The following NUP133 variants were observed in gnomAD, a reference collection of about 807,000 sequenced individuals.
The protein encoded by NUP133 is nuclear pore complex protein Nup133.
NUP133 carries 66 observed loss-of-function variants against 146.2 expected under a neutral mutation model. The ratio of observed to expected loss-of-function variants is 0.45; its 90% CI spans 0.37 to 0.55. The LOEUF (loss-of-function observed/expected upper bound fraction) is 0.55. NUP133 is among the 20% of genes least tolerant of loss of function. The probability of loss-of-function intolerance (pLI) is 0.00; values close to 1 mark genes in which losing one functional copy is unlikely to be tolerated. For synonymous variants in NUP133, 521 were observed against 498.8 expected (o/e 1.04, Z -0.59); for missense variants, 1,277 against 1,374.8 (o/e 0.93, Z 1.12).
intron 20 of NUP133, among the ~76,000 whole-genome samples, chr1:229,458,765 C>A (rs1393422714): frequency 6.9e-6 from 1 of 144,036 alleles, no homozygotes; most frequent in Non-Finnish European, 1.5e-5. Context: ...GGCTGGAGTG[C>A]AATGATATAG....
At chr1:229,463,945 A>G (rs1660753208) in intron 18 of NUP133, among the ~76,000 whole-genome samples, 1 of 152,060 alleles carries the variant, frequency 6.6e-6, no homozygotes, top group South Asian at 2.1e-4. Context: ...CAGGAGTTCG[A>G]GTCCCGCCAG....
chr1:229,489,905 A>G, intron 9 of NUP133, 50 bp downstream of exon 9: 2 of 1,453,926 alleles, frequency 1.4e-6, no homozygotes, highest in Non-Finnish European at 1.8e-6. Context: ...AATGGTTAGA[A>G]AAATACTCAA....
chr1:229,452,386 C>T, intron 22 of NUP133, 139 bp downstream of exon 22: 1 of 544,944 alleles, frequency 1.8e-6, no homozygotes, highest in Non-Finnish European at 3.1e-6. Flanking sequence ...CAGCTTCAAA[C>T]AACGTTTTTC....
Position 229,463,017 on chromosome 1 carries a change from T to C in NUP133, c.2685+526A>G, listed in dbSNP as rs532794905. On this transcript the variant is annotated intron_variant, in intron 19 of 25. Coordinates refer to ENST00000261396, the MANE Select transcript of NUP133 (RefSeq NM_018230.3). ...ATATTCATGTACCTAAGTACTTTTA[T>C]AATAACTAGAAAATATATAAACAGA... Among the ~76,000 whole-genome samples the C allele has an allele frequency of 2.0e-5, 3 of 152,346 alleles. No individual in the cohort carries two copies. In the East Asian group the frequency reaches 5.8e-4, roughly 29 times the overall value.
At chr1:229,496,884 G>A (rs1661667887) in intron 6 of NUP133, among the ~76,000 whole-genome samples, 1 of 152,158 alleles carries the variant, frequency 6.6e-6, no homozygotes, top group African/African-American at 2.4e-5. Flanking sequence ...AGTGTTGAAT[G>A]TGAATTGGTA....
chr1:229,470,561 G>GA lies in NUP133; in HGVS notation c.2076+18dup. 6.3e-7 allele frequency: 1 copy of GA among 1,590,596 alleles called. No individual in the cohort carries two copies. Among genetic ancestry groups the GA allele is most frequent in the Non-Finnish European group, 8.6e-7 (1 of 1,158,612 alleles). ...ATGGCACAGTTCTACAAAGCCACAT[G>GA]AAAGAGGACTCATCTTACCTCCCTG... On this transcript the variant is annotated intron_variant, in intron 15 of 25. Transcript: ENST00000261396.
At position 229,458,236 on chromosome 1, in the gene NUP133, T is replaced by G. The variant is rs148690449; in HGVS notation, c.2905A>C (p.Thr969Pro). Residue 969 changes from threonine (T) to proline (P), a missense_variant, in exon 21 of 26, where the codon ACC becomes CCC. By Grantham distance (38) the Thr-to-Pro change is conservative. This residue lies in a region of NUP133 where 952 missense variants were observed against 1,047.0 expected (regional missense o/e 0.91). Coordinates refer to ENST00000261396, the MANE Select transcript of NUP133 (RefSeq NM_018230.3). ...METRYFAKKK[T>P]LLGLSKLAAL... ...GCCAATTTACTCAAGCCAAGAAGGGTTTTCTTCTTTGCAAAGTAACGAGTT... is the reference window on the plus strand; with the variant it reads ...GCCAATTTACTCAAGCCAAGAAGGGGTTTCTTCTTTGCAAAGTAACGAGTT... The G allele has an allele frequency of 6.2e-7, 1 of 1,613,328 alleles. No homozygotes were observed. The highest frequency in any genetic ancestry group is 8.5e-7 in the Non-Finnish European group (1 of 1,179,518).
intron 14 of NUP133, among the ~76,000 whole-genome samples, chr1:229,473,902 C>T (rs1397273434): frequency 6.6e-6 from 1 of 150,778 alleles, no homozygotes; most frequent in East Asian, 1.9e-4. Flanking sequence ...CCAGCCTGGG[C>T]GATGGGAGTG....
intron 11 of NUP133, among the ~76,000 whole-genome samples, chr1:229,485,234 G>A (rs61632972): frequency 2.2e-4 from 34 of 152,320 alleles, no homozygotes; most frequent in African/African-American, 8.2e-4. Context: ...GAAAGCAGAA[G>A]GAATGGGAAA....
intron 12 of NUP133, among the ~76,000 whole-genome samples, chr1:229,482,714 G>A (rs758102249): frequency 6.6e-6 from 1 of 152,132 alleles, no homozygotes; most frequent in Non-Finnish European, 1.5e-5. Flanking sequence ...GCTTAGGCAC[G>A]CTCTCACTAC....
Position 229,502,101 on chromosome 1 carries a change from G to T in NUP133, c.303C>A (p.Val101=), listed in dbSNP as rs747508806. The change falls in exon 3 of 26, where the codon GTC becomes GTA. Residue 101 remains valine (V), a splice_region_variant and synonymous_variant. Coordinates refer to ENST00000261396, the MANE Select transcript of NUP133 (RefSeq NM_018230.3). ...KVMEALTLAE[V]DDQLTINIDE... ...CTATGTTAATGGTCAGCTGGTCATC[G>T]ACTAAAGGAAAAAATGAGGTGGGTG... is the stretch of plus-strand genomic sequence containing the variant. The T allele has an allele frequency of 1.9e-6, 3 of 1,609,844 alleles. No individual in the cohort carries two copies. Among genetic ancestry groups the T allele is most frequent in the East Asian group, 4.5e-5 (2 of 44,840 alleles).
At chr1:229,465,905 AAAAAG>A (rs1282136507) in intron 16 of NUP133, among the ~76,000 whole-genome samples, 8 of 151,566 alleles carry the variant, frequency 5.3e-5, no homozygotes, top group East Asian at 1.9e-4. Context: ...AAAAAAAAAA[AAAAAG>A]AAAAGAAAAG....
At chr1:229,481,846 G>A (rs913459073) in intron 12 of NUP133, among the ~76,000 whole-genome samples, 2 of 152,206 alleles carry the variant, frequency 1.3e-5, no homozygotes, top group Non-Finnish European at 2.9e-5. Context: ...AGAGCTTTCA[G>A]AGGGAGGGCC....
At position 229,489,962 on chromosome 1, in the gene NUP133, G is replaced by A. The variant is rs756764334; in HGVS notation, c.1187C>T (p.Pro396Leu). 5.0e-6 allele frequency: 8 copies of A among 1,588,298 alleles called. No individual in the cohort carries two copies. Among genetic ancestry groups the A allele is most frequent in the Non-Finnish European group, 6.0e-6 (7 of 1,167,416 alleles). Residue 396 changes from proline (P) to leucine (L), a missense_variant, in exon 9 of 26, where the codon CCT becomes CTT. By Grantham distance (98) the Pro-to-Leu change is moderately conservative. Transcript: ENST00000261396. ...AACCAATATAAATCTTACCTGAAAA[G>A]GTGGATTATATTGAGTGACTTCTAC... ...VTVEVTQYNP[P>L]FQSEDLILCQ...
rs149125926 is a variant in NUP133 at position 229,495,926 on chromosome 1, C to T, written c.941G>A (p.Arg314Lys). The T allele has an allele frequency of 6.2e-4, 987 of 1,603,224 alleles. 7 individuals carry two copies. The African/African-American group carries it at 0.011, about 17-fold the overall frequency. The stretch of plus-strand genomic sequence containing the variant: ...ATCGGTAATGTTTTCCTTCAGGGCT[C>T]TATTTATATCCCAACTGTATGCATG... ...EKHAYSWDIN[R>K]ALKENITDAI... The change falls in exon 7 of 26, where the codon AGA becomes AAA. Residue 314 changes from arginine to lysine, a missense_variant. By Grantham distance (26) the Arg-to-Lys change is conservative (BLOSUM62 2). Coordinates refer to ENST00000261396, the MANE Select transcript of NUP133 (RefSeq NM_018230.3).
At chr1:229,458,356 G>C in intron 20 of NUP133, 60 bp from the exon 21 acceptor site, 1 of 1,552,032 alleles carries the variant, frequency 6.4e-7, no homozygotes, top group African/African-American at 1.4e-5. Flanking sequence ...CTGAAACAAA[G>C]GTAAGTAAAC....
rs532126562 is a variant in NUP133, at chr1:229,471,829, C to A, written c.1852-1025G>T. Among the ~76,000 whole-genome samples the A allele has an allele frequency of 1.3e-4, 20 of 152,180 alleles. No individual in the cohort carries two copies. The South Asian group carries it at 4.1e-3, about 32-fold the overall frequency. On this transcript the variant is annotated intron_variant, in intron 14 of 25. Transcript: ENST00000261396. The stretch of plus-strand genomic sequence containing the variant: ...TCTTTTTATAACACAAAAGGGGTCA[C>A]ACTGTATATATTGTTCTGTACCTTG...
At chr1:229,473,574 G>A (rs745547607) in intron 14 of NUP133, among the ~76,000 whole-genome samples, 7 of 152,198 alleles carry the variant, frequency 4.6e-5, no homozygotes, top group Middle Eastern at 3.4e-3. Flanking sequence ...AGGTCCTGCC[G>A]GCCCAGTATG....
At chr1:229,503,401 C>G (rs1254371064) in intron 2 of NUP133, among the ~76,000 whole-genome samples, 1 of 151,892 alleles carries the variant, frequency 6.6e-6, no homozygotes, top group Non-Finnish European at 1.5e-5. Context: ...TTTGGAGGAC[C>G]AAAAGCACAT....
Sources: gnomAD v4.1 joint callset for allele counts (sites outside exome capture counted in the v4.1 genomes callset) on GRCh38, gnomAD v4.1.1 for gene constraint, gnomAD v4.1.1 regional missense constraint, MANE v1.5 for transcripts, NCBI Gene and HGNC (gene_info 2026-07-23, HGNC 2026-07-21) for gene names.